STX5: variants seen among roughly 807,000 people sequenced by gnomAD.
STX5 encodes the protein syntaxin 5, also known as syntaxin-5.
A neutral mutation model predicts 42.9 loss-of-function variants in STX5; 15 were observed. The ratio of observed to expected loss-of-function variants is 0.35; its 90% CI spans 0.23 to 0.54. The LOEUF is 0.54. STX5 is among the 20% of genes least tolerant of loss of function. The pLI, the probability that STX5 is intolerant of heterozygous loss-of-function variation, is 0.91. For synonymous variants in STX5, 184 were observed against 173.2 expected (o/e 1.06, Z -0.49); for missense variants, 430 against 455.0 (o/e 0.95, Z 0.50).
intron 10 of STX5, among the ~76,000 whole-genome samples, chr11:62,821,597 G>A (rs2084740869): frequency 6.6e-6 from 1 of 150,886 alleles, no homozygotes; most frequent in African/African-American, 2.4e-5. Flanking sequence ...TGGTGTGGGT[G>A]CATGTAATCC....
intron 2 of STX5, among the ~76,000 whole-genome samples, chr11:62,829,659 G>A (rs572956721): frequency 2.0e-5 from 3 of 152,204 alleles, no homozygotes; most frequent in South Asian, 2.1e-4. Context: ...AGCTACTGAG[G>A]AGCCTGAGGC....
chr11:62,825,814 C>T (rs1055630734), intron 5 of STX5, among the ~76,000 whole-genome samples: 1 of 152,196 alleles, frequency 6.6e-6, no homozygotes, highest in Non-Finnish European at 1.5e-5. Flanking sequence ...TGCCCTGCTC[C>T]ATTCTGTGAG....
Position 62,807,639 on chromosome 11 carries a change from G to A in STX5, c.909-11C>T. The A allele has an allele frequency of 6.2e-7, 1 of 1,613,916 alleles. No homozygotes were observed. Among genetic ancestry groups the A allele is most frequent in the Non-Finnish European group, 8.5e-7 (1 of 1,179,944 alleles). On this transcript the variant is annotated splice_polypyrimidine_tract_variant and intron_variant, in intron 10 of 10. Coordinates refer to ENST00000294179, the MANE Select transcript of STX5 (RefSeq NM_003164.5). ...ACGTTCTCGTCGATCCTGGGGACAAGGCCGGGAGAAGAGGAAACAAAAGGA... is the reference window on the plus strand; with the variant it reads ...ACGTTCTCGTCGATCCTGGGGACAAAGCCGGGAGAAGAGGAAACAAAAGGA...
chr11:62,822,670 A>G (rs1378655184), intron 10 of STX5, among the ~76,000 whole-genome samples: 1 of 144,366 alleles, frequency 6.9e-6, no homozygotes, highest in African/African-American at 2.6e-5. Flanking sequence ...TCCTGTGTTG[A>G]CTATCTTTTT....
At chr11:62,810,961 C>CA (rs762212306) in intron 10 of STX5, among the ~76,000 whole-genome samples, 20 of 152,208 alleles carry the variant, frequency 1.3e-4, no homozygotes, top group Admixed American at 7.2e-4. Context: ...CCTCCTGACT[C>CA]AAACACATCC....
intron 10 of STX5, among the ~76,000 whole-genome samples, chr11:62,821,717 A>G (rs1206355376): frequency 6.6e-6 from 1 of 151,822 alleles, no homozygotes; most frequent in African/African-American, 2.4e-5. Flanking sequence ...CCACCTCAAA[A>G]GTAAATAAAT....
intron 10 of STX5, among the ~76,000 whole-genome samples, chr11:62,822,022 C>T (rs1387414852): frequency 6.7e-6 from 1 of 149,780 alleles, no homozygotes; most frequent in Non-Finnish European, 1.5e-5. Flanking sequence ...GAGACTCCAT[C>T]TCAAAAATAA....
chr11:62,826,531 T>C lies in STX5; in HGVS notation c.423+624A>G, dbSNP rs146610628. On this transcript the variant is annotated intron_variant, in intron 5 of 10. Transcript: ENST00000294179. ...GAGATCGCGCCACTGTGCTCCAGCC[T>C]GAGCAACAAGAGTGAAACTCTGTCT... Among the ~76,000 whole-genome samples, 337 of 152,064 alleles carry C rather than the reference T, an allele frequency of 2.2e-3. 2 individuals are homozygous for C. The highest frequency in any genetic ancestry group is 4.9e-3 in the African/African-American group (202 of 41,460).
Position 62,827,502 on chromosome 11 carries a change from G to T in STX5, c.296+59C>A, listed in dbSNP as rs935827120. 9.3e-6 allele frequency: 15 copies of T among 1,612,422 alleles called. No homozygotes were observed. In the Admixed American group the frequency reaches 2.2e-4, roughly 23 times the overall value. On this transcript the variant is annotated intron_variant, in intron 3 of 10. Coordinates refer to ENST00000294179, the MANE Select transcript of STX5 (RefSeq NM_003164.5). ...GACTTCACAGCCAAGGCCACTGATT[G>T]CAAGTCTACTTTTCTTCAGACACTG...
intron 2 of STX5, among the ~76,000 whole-genome samples, chr11:62,829,161 A>G (rs1446300083): frequency 1.3e-5 from 2 of 152,152 alleles, no homozygotes; most frequent in African/African-American, 4.8e-5. Flanking sequence ...ACGGTGGCTC[A>G]CGCTTGCAAT....
chr11:62,810,417 G>C (rs936058380), intron 10 of STX5, among the ~76,000 whole-genome samples: 1 of 152,160 alleles, frequency 6.6e-6, no homozygotes, highest in African/African-American at 2.4e-5. Context: ...ACTATAGCCT[G>C]AGTGACAGAG....
rs761824013 is a variant in STX5 at position 62,827,396 on chromosome 11, C to T, written c.299G>A (p.Arg100His). ...QRSEFTLMAK[R>H]IGKDLSNTFA... ...TGTGTTGCTAAGGTCTTTCCCAATG[C>T]GCCTGCAAATGACCACTAGTCAGAC... The change falls in exon 4 of 11, where the codon CGC becomes CAC. Residue 100 changes from arginine to histidine, a missense_variant and splice_region_variant. Arg to His is a conservative substitution (Grantham distance 29, BLOSUM62 0). Coordinates refer to ENST00000294179, the MANE Select transcript of STX5 (RefSeq NM_003164.5). The T allele has an allele frequency of 1.6e-4, 257 of 1,614,078 alleles. No individual in the cohort carries two copies. Among genetic ancestry groups the T allele is most frequent in the Non-Finnish European group, 2.1e-4 (244 of 1,180,038 alleles).
At chr11:62,823,719 T>A (rs1407845351) in intron 10 of STX5, among the ~76,000 whole-genome samples, 1 of 152,134 alleles carries the variant, frequency 6.6e-6, no homozygotes, top group African/African-American at 2.4e-5. Context: ...CTAGTTTTTG[T>A]ATTTTTTTGT....
chr11:62,829,427 A>AAAATAAATAAATAAATAAATAAAT (rs56250621), intron 2 of STX5, among the ~76,000 whole-genome samples: 1 of 148,784 alleles, frequency 6.7e-6, no homozygotes, highest in Admixed American at 6.7e-5. Flanking sequence ...TCCCATCTCA[A>AAAATAAATAAATAAATAAATAAAT]AAATAAATAA....
chr11:62,830,903 G>T, intron 2 of STX5, 116 bp downstream of exon 2: 1 of 972,876 alleles, frequency 1.0e-6, no homozygotes, highest in Non-Finnish European at 1.6e-6. Context: ...CCCCATCCAA[G>T]CCTATCAGTT....
At chr11:62,815,479 GAAT>G (rs1160163190) in intron 10 of STX5, among the ~76,000 whole-genome samples, 3 of 150,540 alleles carry the variant, frequency 2.0e-5, no homozygotes, top group Non-Finnish European at 4.4e-5. Flanking sequence ...GACACTCACT[GAAT>G]AATACATAAT....
At chr11:62,814,806 C>T (rs1027519730) in intron 10 of STX5, among the ~76,000 whole-genome samples, 12 of 151,930 alleles carry the variant, frequency 7.9e-5, no homozygotes, top group Non-Finnish European at 1.8e-4. Context: ...GTTGGTCAGG[C>T]TGGTCTCCAG....
intron 10 of STX5, among the ~76,000 whole-genome samples, chr11:62,819,080 G>C (rs1402277409): frequency 6.6e-6 from 1 of 150,844 alleles, no homozygotes; most frequent in Non-Finnish European, 1.5e-5. Context: ...AATTAGCCGG[G>C]CATGGTGGTG....
Position 62,827,274 on chromosome 11 carries a change from T to G in STX5, c.353-49A>C, listed in dbSNP as rs377318505. 10 of 1,613,810 alleles carry G rather than the reference T, an allele frequency of 6.2e-6. No homozygotes were observed. The African/African-American group carries it at 1.3e-4, about 22-fold the overall frequency. On this transcript the variant is annotated intron_variant, in intron 4 of 10. Transcript: ENST00000294179. ...CAATGGGTGAGGTCAAGGACAAAGC[T>G]CAGGGAATATAGTCCTCAACCCTCT...
Sources: gnomAD v4.1 joint callset for allele counts (sites outside exome capture counted in the v4.1 genomes callset) on GRCh38, gnomAD v4.1.1 for gene constraint, MANE v1.5 for transcripts, NCBI Gene and HGNC (gene_info 2026-07-23, HGNC 2026-07-21) for gene names.